DOCK4: variants seen among roughly 807,000 people sequenced by gnomAD.
DOCK4 encodes the protein dedicator of cytokinesis 4.
Under a neutral mutation model 268.1 loss-of-function variants are expected in DOCK4, and 97 were observed. The ratio of observed to expected loss-of-function variants is 0.36; its 90% CI spans 0.31 to 0.43. DOCK4 has a LOEUF of 0.43. Among genes scored for constraint, DOCK4 ranks in the 20% least tolerant of loss-of-function variants. DOCK4 has a pLI of 1.00. For synonymous variants in DOCK4, 954 were observed against 887.2 expected, an observed-to-expected ratio of 1.08 and a Z score of -1.34; for missense variants, 2,145 against 2,455.7, an observed-to-expected ratio of 0.87 and a Z score of 2.67.
intron 1 of DOCK4, among the ~76,000 whole-genome samples, chr7:112,120,217 A>T (rs1347493908): frequency 3.9e-5 from 6 of 152,178 alleles, no homozygotes; most frequent in Admixed American, 3.3e-4. Flanking sequence ...ACAAACACCA[A>T]CATTACTAAA....
chr7:111,731,867 T>C (rs1795111130), intron 52 of DOCK4, among the ~76,000 whole-genome samples: 1 of 152,026 alleles, frequency 6.6e-6, no homozygotes, highest in African/African-American at 2.4e-5. Flanking sequence ...TAAGTGTGTG[T>C]GTGTGTGTTT....
At chr7:111,935,321 C>T (rs563268536) in intron 12 of DOCK4, 7 of 581,648 alleles carry the variant, frequency 1.2e-5, no homozygotes, top group East Asian at 6.7e-5. Flanking sequence ...TTATCTTTTT[C>T]GTTTCAACAA....
In DOCK4 at chr7:111,987,101, C is replaced by T. The variant is rs184055213; in HGVS notation, c.464+1914G>A. Among the ~76,000 whole-genome samples the T allele has an allele frequency of 2.9e-4, 44 of 152,172 alleles. 1 individual carries two copies. The highest frequency in any genetic ancestry group is 5.9e-4 in the Admixed American group (9 of 15,296). On this transcript the variant is annotated intron_variant, in intron 6 of 52. Coordinates refer to ENST00000428084, the MANE Select transcript of DOCK4 (RefSeq NM_001363540.2). Reference sequence around the variant, plus strand: ...AACAGTCAAAGAATTTCAAAGAAAACGGAATCATAGCTCAGAAAATTCATG... The same window carrying T: ...AACAGTCAAAGAATTTCAAAGAAAATGGAATCATAGCTCAGAAAATTCATG...
intron 8 of DOCK4, among the ~76,000 whole-genome samples, chr7:111,963,361 G>A (rs1335880322): frequency 1.5e-5 from 2 of 133,052 alleles, no homozygotes; most frequent in Admixed American, 1.5e-4. Context: ...CACCGTGCGC[G>A]AGCCTAAGCA....
chr7:111,923,489 C>T (rs1793329790), intron 12 of DOCK4, among the ~76,000 whole-genome samples: 1 of 152,120 alleles, frequency 6.6e-6, no homozygotes, highest in Non-Finnish European at 1.5e-5. Flanking sequence ...CTTTGGTGTT[C>T]TGCAGTTTCA....
chr7:111,788,492 C>T (rs916120183), intron 32 of DOCK4, 170 bp downstream of exon 32: 38 of 607,086 alleles, frequency 6.3e-5, no homozygotes, highest in Admixed American at 2.6e-5. Context: ...TTATAAGATC[C>T]ATTCGCCAGA....
chr7:112,020,685 TAAAA>T (rs58803593), intron 1 of DOCK4, among the ~76,000 whole-genome samples: 46 of 116,890 alleles, frequency 3.9e-4, no homozygotes, highest in Admixed American at 7.3e-4. Flanking sequence ...ACCCTAAAAG[TAAAA>T]AAAAAAAAAA....
At chr7:111,777,227 T>C (rs1284818985) in intron 36 of DOCK4, among the ~76,000 whole-genome samples, 1 of 152,204 alleles carries the variant, frequency 6.6e-6, no homozygotes, top group African/African-American at 2.4e-5. Flanking sequence ...ACTGTTCACC[T>C]ACAATACTGT....
chr7:111,987,368 T>C (rs1799130828), intron 6 of DOCK4, among the ~76,000 whole-genome samples: 1 of 152,222 alleles, frequency 6.6e-6, no homozygotes, highest in Non-Finnish European at 1.5e-5. Context: ...ATTCCTGTGT[T>C]ATTTTGGATA....
At chr7:112,009,171 G>A (rs150027466) in intron 1 of DOCK4, among the ~76,000 whole-genome samples, 126 of 152,312 alleles carry the variant, frequency 8.3e-4, no homozygotes, top group Middle Eastern at 3.4e-3. Flanking sequence ...CCATCTAAGA[G>A]GAATGGAACA....
chr7:112,063,962 T>G (rs187785863), intron 1 of DOCK4, among the ~76,000 whole-genome samples: 1 of 152,306 alleles, frequency 6.6e-6, no homozygotes, highest in East Asian at 1.9e-4. Context: ...CCTCTCCATA[T>G]TGTGTGTTTT....
chr7:112,041,705 T>A (rs530745184), intron 1 of DOCK4, among the ~76,000 whole-genome samples: 1 of 152,322 alleles, frequency 6.6e-6, no homozygotes, highest in Non-Finnish European at 1.5e-5. Context: ...TTAACTTACA[T>A]TTTGGAAAAG....
At position 111,863,449 on chromosome 7, in the gene DOCK4, T is replaced by G. The variant is rs777708553; in HGVS notation, c.2396A>C (p.His799Pro). ...DTLGSLPTIL[H>P]VDDSLQAIKL... The stretch of plus-strand genomic sequence containing the variant: ...GATGGCCTGCAGGGAATCATCCACA[T>G]GCAGGATGGTCGGCAGACTGCCCAG... Residue 799 changes from histidine to proline, a missense_variant, in exon 23 of 53, where the codon CAT becomes CCT. Physicochemically the swap from His to Pro is moderately conservative, Grantham distance 77. Around this residue, in one of 2 missense-constraint regions of DOCK4, gnomAD observed 1,598 missense variants for 1,986.7 expected, o/e 0.80. Transcript: ENST00000428084. 1.9e-6 allele frequency: 3 copies of G among 1,614,038 alleles called. No homozygotes were observed. In the East Asian group the frequency reaches 6.7e-5, roughly 36 times the overall value.
intron 1 of DOCK4, among the ~76,000 whole-genome samples, chr7:112,056,429 C>T (rs1482210492): frequency 6.6e-6 from 1 of 152,038 alleles, no homozygotes; most frequent in Non-Finnish European, 1.5e-5. Context: ...GTTAAAACTA[C>T]TAAACTATAT....
chr7:111,813,423 T>C (rs1300041482), intron 27 of DOCK4, among the ~76,000 whole-genome samples: 1 of 152,176 alleles, frequency 6.6e-6, no homozygotes, highest in Non-Finnish European at 1.5e-5. Flanking sequence ...AGCTTTCTTG[T>C]GGGGTAGGGA....
chr7:112,109,064 C>T (rs1418550526), intron 1 of DOCK4, among the ~76,000 whole-genome samples: 1 of 152,076 alleles, frequency 6.6e-6, no homozygotes, highest in South Asian at 2.1e-4. Flanking sequence ...GTGCCTTTGC[C>T]TCTCTTGATG....
At position 111,765,077 on chromosome 7, in the gene DOCK4, T is replaced by C. The variant is rs946113933; in HGVS notation, c.4020+41A>G. 9 of 989,154 alleles carry C rather than the reference T, an allele frequency of 9.1e-6. No homozygotes were observed. In the African/African-American group the frequency reaches 1.0e-4, roughly 11 times the overall value. 61.3% of individuals were successfully genotyped at this position (989,154 alleles called of 1,614,324 possible). On this transcript the variant is annotated intron_variant, in intron 39 of 52. Transcript: ENST00000428084. ...TTAGTTTTCTTGATTGGGATATCTA[T>C]ATGAGAGCTGTGAAAGCAAATTAAA...
At chr7:112,145,933 G>A (rs555915811) in intron 1 of DOCK4, among the ~76,000 whole-genome samples, 60 of 152,158 alleles carry the variant, frequency 3.9e-4, no homozygotes, top group East Asian at 9.7e-4. Context: ...CTTAAACTGC[G>A]TACTATATTA....
intron 30 of DOCK4, among the ~76,000 whole-genome samples, chr7:111,797,711 C>T (rs961027169): frequency 1.3e-5 from 2 of 152,072 alleles, no homozygotes; most frequent in Non-Finnish European, 2.9e-5. Flanking sequence ...TTTTAGAAGG[C>T]CATGGAAAAT....
Sources: allele counts gnomAD v4.1 joint callset (sites outside exome capture counted in the v4.1 genomes callset), GRCh38; gene constraint gnomAD v4.1.1; regional missense constraint gnomAD v4.1.1; transcripts MANE v1.5; gene names NCBI Gene and HGNC (gene_info 2026-07-23, HGNC 2026-07-21).